SMARCD3: variants seen among roughly 807,000 people sequenced by gnomAD.
SMARCD3 encodes the protein SWI/SNF related BAF chromatin remodeling complex subunit D3, also known as SWI/SNF-related matrix-associated actin-dependent regulator of chromatin subfamily D member 3.
A neutral mutation model predicts 58.0 loss-of-function variants in SMARCD3; 14 were observed. The observed-to-expected ratio is 0.24, with a 90% CI of 0.16 to 0.38. The LOEUF (loss-of-function observed/expected upper bound fraction) is 0.38, where lower values mean the gene tolerates loss of function less well. SMARCD3 is among the 10% of genes least tolerant of loss of function. The probability of loss-of-function intolerance (pLI) is 1.00; values close to 1 mark genes in which losing one functional copy is unlikely to be tolerated. For synonymous variants in SMARCD3, 253 were observed against 253.8 expected, an observed-to-expected ratio of 1.00 and a Z score of 0.03; for missense variants, 408 against 636.9, an observed-to-expected ratio of 0.64 and a Z score of 3.87.
rs1002234282 is a variant in SMARCD3, at chr7:151,245,852, G to A, written c.79-181C>T. On this transcript the variant is annotated intron_variant, in intron 1 of 12. Coordinates refer to ENST00000262188, the MANE Select transcript of SMARCD3 (RefSeq NM_001003801.2). This position sits in a 1 kb window ranked among gnomAD's most constrained non-coding sequence, Gnocchi z 6.2. Reference sequence around the variant, plus strand: ...GGGCAGGGGCGCCGGAATCTGCGCGGCTCTGGCGGAGGGGCTTGGCGTCTG... The same window carrying A: ...GGGCAGGGGCGCCGGAATCTGCGCGACTCTGGCGGAGGGGCTTGGCGTCTG... The A allele has an allele frequency of 2.6e-6, 1 of 382,478 alleles. No individual in the cohort carries two copies. The highest frequency in any genetic ancestry group is 4.6e-6 in the Non-Finnish European group (1 of 215,844). 23.7% of individuals were successfully genotyped at this position (382,478 alleles called of 1,614,324 possible). A position where few individuals can be genotyped will look rare whatever the true frequency, so the allele number is the denominator to read the frequency against.
chr7:151,276,460 T>G (rs1182455886), intron 1 of SMARCD3, among the ~76,000 whole-genome samples: 5 of 82,122 alleles, frequency 6.1e-5, no homozygotes, highest in South Asian at 4.5e-4. Context: ...GGCAGGAGGG[T>G]GCCAGACGAG....
At chr7:151,250,417 G>T (rs975910701), upstream of SMARCD3, among the ~76,000 whole-genome samples, 21 of 151,932 alleles carry the variant, frequency 1.4e-4, no homozygotes, top group African/African-American at 4.8e-4. Context: ...AGGTCATGCT[G>T]CTGGGAACCT....
intron 2 of SMARCD3, among the ~76,000 whole-genome samples, chr7:151,274,264 T>G (rs1318115077): frequency 6.6e-6 from 1 of 151,820 alleles, no homozygotes; most frequent in Admixed American, 6.6e-5. Context: ...AGCGTGATGA[T>G]GGGTGGGGCT....
At chr7:151,240,579 A>T in intron 8 of SMARCD3, 57 bp from the exon 9 acceptor site, 3 of 1,267,622 alleles carry the variant, frequency 2.4e-6, no homozygotes, top group Non-Finnish European at 3.4e-6. Flanking sequence ...ATCATCATGC[A>T]GTTGTAGATC....
intron 2 of SMARCD3, among the ~76,000 whole-genome samples, chr7:151,262,582 T>C (rs576466669): frequency 6.6e-6 from 1 of 152,332 alleles, no homozygotes; most frequent in East Asian, 1.9e-4. Flanking sequence ...TTTACACCCA[T>C]GACATGGCCT....
At chr7:151,251,153 G>T (rs756965989), upstream of SMARCD3, among the ~76,000 whole-genome samples, 8 of 152,200 alleles carry the variant, frequency 5.3e-5, no homozygotes, top group Non-Finnish European at 8.8e-5. Flanking sequence ...GGTGGTGGAA[G>T]AGGTTGCGGG....
chr7:151,275,034 A>AGCAGGAGCCGAGGG, intron 2 of SMARCD3: 1 of 1,160,094 alleles, frequency 8.6e-7, no homozygotes, highest in East Asian at 2.4e-5. Context: ...ATGTGGTGGG[A>AGCAGGAGCCGAGGG]GCAGGAGCCG....
chr7:151,263,975 C>T (rs978539542), intron 2 of SMARCD3, among the ~76,000 whole-genome samples: 1 of 152,190 alleles, frequency 6.6e-6, no homozygotes, highest in African/African-American at 2.4e-5. Flanking sequence ...GGTCCCTGCC[C>T]ACCTCAGGAC....
At chr7:151,276,478 G>A (rs533482078) in intron 1 of SMARCD3, among the ~76,000 whole-genome samples, 30 of 146,342 alleles carry the variant, frequency 2.0e-4, no homozygotes, top group African/African-American at 6.9e-4. Flanking sequence ...GAGGGAAGGA[G>A]GGGAGATGCA....
At chr7:151,260,844 A>G (rs1434168372) in intron 2 of SMARCD3, among the ~76,000 whole-genome samples, 1 of 152,154 alleles carries the variant, frequency 6.6e-6, no homozygotes, top group Non-Finnish European at 1.5e-5. Context: ...TGGACCACCA[A>G]TTTCTTGGAG....
intron 2 of SMARCD3, among the ~76,000 whole-genome samples, chr7:151,257,281 C>T (rs1803732253): frequency 6.6e-6 from 1 of 152,216 alleles, no homozygotes; most frequent in Non-Finnish European, 1.5e-5. Flanking sequence ...CATTTGTGCT[C>T]CTCCATTCTC....
At chr7:151,240,298 A>G (rs766982074) in intron 9 of SMARCD3, 51 bp from the exon 10 acceptor site, 2 of 1,609,398 alleles carry the variant, frequency 1.2e-6, no homozygotes, top group South Asian at 1.1e-5. Context: ...ATACGGCCCC[A>G]GGGCCCCGGG....
chr7:151,263,397 TACCACTTTC>T (rs1400905436), intron 2 of SMARCD3, among the ~76,000 whole-genome samples: 3 of 152,056 alleles, frequency 2.0e-5, no homozygotes, highest in African/African-American at 7.2e-5. Context: ...ACCAAGGCCC[TACCACTTTC>T]ACCAAGGGGG....
At chr7:151,271,045 A>G (rs1023835023) in intron 2 of SMARCD3, among the ~76,000 whole-genome samples, 1 of 152,144 alleles carries the variant, frequency 6.6e-6, no homozygotes, top group Non-Finnish European at 1.5e-5. Flanking sequence ...ACCCCACTGC[A>G]GAGGGGCCCT....
intron 2 of SMARCD3, among the ~76,000 whole-genome samples, chr7:151,265,868 G>A (rs1804063291): frequency 1.3e-5 from 2 of 152,218 alleles, no homozygotes; most frequent in Non-Finnish European, 2.9e-5. Flanking sequence ...AGAGTACTGA[G>A]TAAAGTCATC....
intron 2 of SMARCD3, among the ~76,000 whole-genome samples, chr7:151,271,042 T>C (rs1795159251): frequency 6.6e-6 from 1 of 152,152 alleles, no homozygotes; most frequent in Non-Finnish European, 1.5e-5. Context: ...TCCACCCCAC[T>C]GCAGAGGGGC....
chr7:151,273,490 C>G (rs560114798), intron 2 of SMARCD3, among the ~76,000 whole-genome samples: 3 of 152,232 alleles, frequency 2.0e-5, no homozygotes, highest in Admixed American at 2.0e-4. Context: ...GCCTGCCCCC[C>G]GTTCAACCTG....
chr7:151,259,163 C>G (rs1432049557), intron 2 of SMARCD3, among the ~76,000 whole-genome samples: 1 of 151,932 alleles, frequency 6.6e-6, no homozygotes. Flanking sequence ...ACCAGCCTGG[C>G]CAACATGGTG....
At chr7:151,240,046 C>T in intron 10 of SMARCD3, 66 bp downstream of exon 10, 2 of 1,518,254 alleles carry the variant, frequency 1.3e-6, no homozygotes, top group Non-Finnish European at 1.8e-6. Flanking sequence ...ACACCCTGGT[C>T]TCAGAAAAGT....
Sources: allele counts gnomAD v4.1 joint callset (sites outside exome capture counted in the v4.1 genomes callset), GRCh38; gene constraint gnomAD v4.1.1; non-coding constraint Gnocchi (gnomAD v3.1); transcripts MANE v1.5; gene names NCBI Gene and HGNC (gene_info 2026-07-23, HGNC 2026-07-21).